The following PDGFRL variants were observed in gnomAD, a reference collection of about 807,000 sequenced individuals.
The protein encoded by PDGFRL is platelet-derived growth factor receptor-like protein.
A neutral mutation model predicts 37.2 loss-of-function variants in PDGFRL; 46 were observed. That is an observed-to-expected ratio of 1.24 (90% CI 0.98 to 1.58). PDGFRL has a LOEUF of 1.58. Among genes scored for constraint, PDGFRL ranks in the 40% most tolerant of loss-of-function variants. PDGFRL has a pLI of 0.00. For missense variants in PDGFRL, 692 were observed against 467.6 expected (o/e 1.48, Z -4.43); for synonymous variants, 251 against 184.3 (o/e 1.36, Z -2.93).
At chr8:17,624,849 A>C (rs1804701375) in intron 3 of PDGFRL, among the ~76,000 whole-genome samples, 1 of 152,296 alleles carries the variant, frequency 6.6e-6, no homozygotes, top group Admixed American at 6.5e-5. Context: ...CAGCGAGTCA[A>C]AGTTGCAGTG....
At chr8:17,620,058 G>A (rs1048706459) in intron 2 of PDGFRL, among the ~76,000 whole-genome samples, 3 of 152,112 alleles carry the variant, frequency 2.0e-5, no homozygotes, top group Non-Finnish European at 4.4e-5. Flanking sequence ...AAATTCTTGT[G>A]CTCAAGCCAT....
intron 2 of PDGFRL, among the ~76,000 whole-genome samples, chr8:17,606,886 GT>G (rs371085758): frequency 0.66 from 91,153 of 138,294 alleles, 30,427 homozygotes; most frequent in East Asian, 0.78. Flanking sequence ...TTCGTTTTTT[GT>G]TTTTTTGTTT....
At chr8:17,609,036 TAGTG>T (rs1731279570) in intron 2 of PDGFRL, among the ~76,000 whole-genome samples, 1 of 151,980 alleles carries the variant, frequency 6.6e-6, no homozygotes, top group Non-Finnish European at 1.5e-5. Context: ...CTGAGCAAAA[TAGTG>T]AGACCCCATC....
At chr8:17,608,307 T>G (rs1429472776) in intron 2 of PDGFRL, among the ~76,000 whole-genome samples, 1 of 152,198 alleles carries the variant, frequency 6.6e-6, no homozygotes, top group African/African-American at 2.4e-5. Flanking sequence ...AAGCACCAGC[T>G]CACCCTTCCC....
chr8:17,588,411 T>C (rs374522861), intron 1 of PDGFRL, among the ~76,000 whole-genome samples: 7 of 152,096 alleles, frequency 4.6e-5, no homozygotes, highest in South Asian at 2.1e-4. Context: ...GCAGAGTGGC[T>C]CACACCTATA....
Position 17,635,837 on chromosome 8 carries a change from C to A in PDGFRL, c.939+1624C>A, listed in dbSNP as rs570281403. Among the ~76,000 whole-genome samples the A allele has an allele frequency of 2.0e-5, 3 of 152,264 alleles. No homozygotes were observed. The South Asian group carries it at 6.2e-4, about 32-fold the overall frequency. The stretch of plus-strand genomic sequence containing the variant: ...CATTCTTGCAGGAGTAAGGTGGTAT[C>A]ACATTGTGGTTTTGATTTGCATTTC... On this transcript the variant is annotated intron_variant, in intron 5 of 5. Transcript: ENST00000251630.
chr8:17,614,772 G>T (rs188133412), intron 2 of PDGFRL, among the ~76,000 whole-genome samples: 18 of 152,182 alleles, frequency 1.2e-4, no homozygotes, highest in Admixed American at 1.1e-3. Context: ...AGAGATGGGG[G>T]TCTCTCTTTT....
chr8:17,605,102 G>A (rs943768461), intron 2 of PDGFRL, among the ~76,000 whole-genome samples: 1 of 152,192 alleles, frequency 6.6e-6, no homozygotes, highest in African/African-American at 2.4e-5. Flanking sequence ...GGGCAACAGA[G>A]TGAGACTCTG....
intron 1 of PDGFRL, among the ~76,000 whole-genome samples, chr8:17,588,596 C>T (rs1308587208): frequency 6.6e-6 from 1 of 152,108 alleles, no homozygotes; most frequent in Non-Finnish European, 1.5e-5. Context: ...TCACTTGAGC[C>T]CAGGAGTTCA....
chr8:17,594,657 C>T (rs1041644930), intron 2 of PDGFRL, among the ~76,000 whole-genome samples: 9 of 152,184 alleles, frequency 5.9e-5, no homozygotes, highest in East Asian at 5.8e-4. Flanking sequence ...CGGGTTCAAG[C>T]GATTCTCCTG....
At chr8:17,606,277 G>A (rs2129685987) in intron 2 of PDGFRL, among the ~76,000 whole-genome samples, 1 of 152,244 alleles carries the variant, frequency 6.6e-6, no homozygotes, top group South Asian at 2.1e-4. Flanking sequence ...ACACTTAAGT[G>A]CATTCATATC....
intron 5 of PDGFRL, among the ~76,000 whole-genome samples, chr8:17,634,920 G>C (rs374144885): frequency 6.6e-6 from 1 of 151,946 alleles, no homozygotes; most frequent in African/African-American, 2.4e-5. Flanking sequence ...TTCATGACAC[G>C]AGTTTACCTA....
At chr8:17,625,609 G>A (rs11993165) in intron 3 of PDGFRL, among the ~76,000 whole-genome samples, 24,140 of 152,168 alleles carry the variant, frequency 0.16, 3,129 homozygotes, top group African/African-American at 0.36. Context: ...TGGAAGCTAC[G>A]GATTGCAAAT....
At chr8:17,620,899 G>A in intron 2 of PDGFRL, 152 bp from the exon 3 acceptor site, 1 of 398,852 alleles carries the variant, frequency 2.5e-6, no homozygotes. Flanking sequence ...TTCTAGGGGT[G>A]TTTGACAAGT....
At position 17,642,788 on chromosome 8, in the gene PDGFRL, T is replaced by C; in HGVS notation, c.1115T>C (p.Val372Ala). 1.2e-6 allele frequency: 2 copies of C among 1,602,640 alleles called. No individual in the cohort carries two copies. The highest frequency in any genetic ancestry group is 1.7e-6 in the Non-Finnish European group (2 of 1,170,710). Reference protein sequence around the residue: ...LQGQTTVATTVEFS With the variant: ...LQGQTTVATTAEFS Reference sequence around the variant, plus strand: ...GGACAGACCACAGTAGCTACCACTGTTGAGTTTTCCTGACTTGGAAAAGGA... The same window carrying C: ...GGACAGACCACAGTAGCTACCACTGCTGAGTTTTCCTGACTTGGAAAAGGA... Residue 372 changes from valine (V) to alanine (A), a missense_variant, in exon 6 of 6, where the codon GTT becomes GCT. By Grantham distance (64) the Val-to-Ala change is moderately conservative. Coordinates refer to ENST00000251630, the MANE Select transcript of PDGFRL (RefSeq NM_001372073.1).
intron 1 of PDGFRL, among the ~76,000 whole-genome samples, chr8:17,585,417 G>C (rs139140543): frequency 1.3e-5 from 2 of 152,062 alleles, no homozygotes; most frequent in African/African-American, 2.4e-5. Flanking sequence ...TGGGGTTCTC[G>C]AAAGGAAGAG....
chr8:17,634,479 AG>A (rs1804929711), intron 5 of PDGFRL, among the ~76,000 whole-genome samples: 1 of 149,910 alleles, frequency 6.7e-6, no homozygotes, highest in African/African-American at 2.5e-5. Context: ...CTTCATATGC[AG>A]GTTTTTTTTT....
Position 17,638,771 on chromosome 8 carries a change from ATATATATATATATAT to A in PDGFRL, c.940-3841_940-3827del, listed in dbSNP as rs1377595782. Among the ~76,000 whole-genome samples the A allele has an allele frequency of 1.2e-3, 124 of 104,246 alleles. 4 individuals are homozygous for A. Among genetic ancestry groups the A allele is most frequent in the Admixed American group, 2.9e-3 (32 of 10,976 alleles). 68.4% of individuals were successfully genotyped at this position (104,246 alleles called of 152,430 possible). ...TATATATATATATATATATATATAT[ATATATATATATATAT>A]AATTGTGATATTTTCCTGTTGGGCA... is the stretch of plus-strand genomic sequence containing the variant. On this transcript the variant is annotated intron_variant, in intron 5 of 5. Transcript: ENST00000251630.
chr8:17,613,662 A>C (rs557511713), intron 2 of PDGFRL, among the ~76,000 whole-genome samples: 1 of 152,248 alleles, frequency 6.6e-6, no homozygotes, highest in East Asian at 1.9e-4. Flanking sequence ...TGGATTGCTC[A>C]AGCTCAGGAG....
Sources: gnomAD v4.1 joint callset for allele counts (sites outside exome capture counted in the v4.1 genomes callset) on GRCh38, gnomAD v4.1.1 for gene constraint, MANE v1.5 for transcripts, NCBI Gene and HGNC (gene_info 2026-07-23, HGNC 2026-07-21) for gene names.